MALRD1: variants seen among roughly 807,000 people sequenced by gnomAD.
The protein encoded by MALRD1 is MAM and LDL receptor class A domain containing 1, also known as MAM and LDL-receptor class A domain-containing protein 1.
Under a neutral mutation model 242.1 loss-of-function variants are expected in MALRD1, and 247 were observed. The ratio of observed to expected loss-of-function variants is 1.02; its 90% CI spans 0.92 to 1.13. The LOEUF is 1.13. Among genes scored for constraint, MALRD1 ranks in the 50% most tolerant of loss-of-function variants. MALRD1 has a pLI of 0.00. For synonymous variants in MALRD1, 995 were observed against 866.6 expected, an observed-to-expected ratio of 1.15 and a Z score of -2.60; for missense variants, 2,989 against 2,533.1, an observed-to-expected ratio of 1.18 and a Z score of -3.86.
Position 19,183,369 on chromosome 10 carries a change from C to T in MALRD1, c.1951+8041C>T, listed in dbSNP as rs118150033. Among the ~76,000 whole-genome samples, 253 of 151,584 alleles carry T rather than the reference C, an allele frequency of 1.7e-3. 8 individuals are homozygous for T. In the East Asian group the frequency reaches 0.046, roughly 28 times the overall value. On this transcript the variant is annotated intron_variant, in intron 14 of 39. Coordinates refer to ENST00000454679, the MANE Select transcript of MALRD1 (RefSeq NM_001142308.3). ...TTTAGGCTGCGATTCTAATGTTGAA[C>T]AAATGAGCATATCACTTCTCTTACA...
intron 10 of MALRD1, among the ~76,000 whole-genome samples, chr10:19,142,839 T>C (rs780728450): frequency 3.3e-5 from 5 of 152,256 alleles, no homozygotes; most frequent in Non-Finnish European, 5.9e-5. Flanking sequence ...ATAAGTTCAC[T>C]TTAAAGTTTT....
rs142842403 is a variant in MALRD1 at position 19,328,359 on chromosome 10, T to C, written c.3687+686T>C. On this transcript the variant is annotated intron_variant, in intron 23 of 39. Transcript: ENST00000454679. ...GAAGATGAGGCTTAGCTCTGAAGAT[T>C]TGTTAAAATTTGAATAAGCAGAGTG... Among the ~76,000 whole-genome samples, 471 of 152,246 alleles carry C rather than the reference T, an allele frequency of 3.1e-3. 4 individuals are homozygous for C. Among genetic ancestry groups the C allele is most frequent in the African/African-American group, 0.011 (456 of 41,562 alleles).
chr10:19,188,003 T>C (rs1162354063), intron 14 of MALRD1, among the ~76,000 whole-genome samples: 1 of 152,170 alleles, frequency 6.6e-6, no homozygotes, highest in Non-Finnish European at 1.5e-5. Flanking sequence ...TCACAATCTC[T>C]AGGGTAGAAT....
At chr10:19,492,697 A>T in intron 30 of MALRD1, among the ~76,000 whole-genome samples, 1 of 152,216 alleles carries the variant, frequency 6.6e-6, no homozygotes, top group East Asian at 1.9e-4. Flanking sequence ...ATTTAGCCTC[A>T]GATGTTGCAT....
intron 27 of MALRD1, among the ~76,000 whole-genome samples, chr10:19,388,970 T>C (rs999324164): frequency 2.7e-5 from 4 of 150,082 alleles, no homozygotes; most frequent in Non-Finnish European, 5.9e-5. Flanking sequence ...ATACATGAAA[T>C]GTTATGGATA....
chr10:19,435,148 A>C (rs1005053422), intron 28 of MALRD1, among the ~76,000 whole-genome samples: 2 of 149,654 alleles, frequency 1.3e-5, no homozygotes, highest in South Asian at 4.2e-4. Flanking sequence ...ATTTTATTTT[A>C]TAATATCCTA....
chr10:19,621,449 A>G (rs1839399227), intron 36 of MALRD1, among the ~76,000 whole-genome samples: 1 of 151,476 alleles, frequency 6.6e-6, no homozygotes. Flanking sequence ...TGAAATTGAA[A>G]AAGTAAAGAT....
At chr10:19,414,230 G>C (rs1833409980) in intron 28 of MALRD1, among the ~76,000 whole-genome samples, 3 of 152,070 alleles carry the variant, frequency 2.0e-5, no homozygotes, top group African/African-American at 4.8e-5. Context: ...GTAGCACATG[G>C]AACACACTAG....
intron 38 of MALRD1, among the ~76,000 whole-genome samples, chr10:19,707,201 CCTCCTTCTCCTCCTTCTTCTT>C (rs1420215751): frequency 6.6e-6 from 1 of 151,508 alleles, no homozygotes; most frequent in Non-Finnish European, 1.5e-5. Flanking sequence ...TCCTTCTCTT[CCTCCTTCTCCTCCTTCTTCTT>C]CTCCTTCTCC....
intron 32 of MALRD1, among the ~76,000 whole-genome samples, chr10:19,543,660 C>T (rs1437323603): frequency 1.3e-5 from 2 of 152,006 alleles, no homozygotes; most frequent in Non-Finnish European, 2.9e-5. Context: ...TAATGCCACA[C>T]CAGACACTGT....
chr10:19,684,310 C>G (rs149568690), intron 36 of MALRD1, among the ~76,000 whole-genome samples: 1 of 152,106 alleles, frequency 6.6e-6, no homozygotes, highest in Non-Finnish European at 1.5e-5. Flanking sequence ...ATTAAAAAAT[C>G]GAGAAAGCAT....
intron 21 of MALRD1, among the ~76,000 whole-genome samples, chr10:19,312,546 A>T (rs1588893440): frequency 6.6e-6 from 1 of 151,218 alleles, no homozygotes; most frequent in African/African-American, 2.4e-5. Flanking sequence ...ATGTGAATAC[A>T]CATATATAGG....
chr10:19,702,630 T>C (rs1278304563), intron 38 of MALRD1, among the ~76,000 whole-genome samples: 1 of 152,206 alleles, frequency 6.6e-6, no homozygotes, highest in African/African-American at 2.4e-5. Context: ...CTTATATCCA[T>C]TGATTACATC....
At chr10:19,248,458 G>A (rs1839160828) in intron 18 of MALRD1, among the ~76,000 whole-genome samples, 1 of 151,320 alleles carries the variant, frequency 6.6e-6, no homozygotes, top group Non-Finnish European at 1.5e-5. Flanking sequence ...CTAACCACTT[G>A]GTAGATGTTA....
Position 19,607,772 on chromosome 10 carries a change from T to G in MALRD1, c.5945-5T>G, listed in dbSNP as rs768782155. On this transcript the variant is annotated splice_polypyrimidine_tract_variant and splice_region_variant and intron_variant, in intron 34 of 39. Transcript: ENST00000454679. ...TCCCTGATCATTATTCTTTTTTTTT[T>G]GCAGCCAACAAAAGCTGTTCTAATG... 4 of 1,545,048 alleles carry G rather than the reference T, an allele frequency of 2.6e-6. No homozygotes were observed. The highest frequency in any genetic ancestry group is 1.4e-5 in the African/African-American group (1 of 72,848).
chr10:19,385,211 C>G (rs533402764), intron 26 of MALRD1, among the ~76,000 whole-genome samples: 8 of 152,002 alleles, frequency 5.3e-5, no homozygotes, highest in South Asian at 2.1e-4. Context: ...GGGATATTGG[C>G]TGTAGTTTTC....
At chr10:19,461,761 T>C (rs1328512649) in intron 29 of MALRD1, among the ~76,000 whole-genome samples, 2 of 152,108 alleles carry the variant, frequency 1.3e-5, no homozygotes, top group African/African-American at 4.8e-5. Context: ...AGAAGATCAC[T>C]TGAGCCTGGG....
chr10:19,239,199 C>G (rs1021100913), intron 18 of MALRD1, among the ~76,000 whole-genome samples: 1 of 151,952 alleles, frequency 6.6e-6, no homozygotes, highest in African/African-American at 2.4e-5. Context: ...GCTGGGGTTA[C>G]AGGCACACGC....
chr10:19,353,757 G>A (rs1161908532), intron 26 of MALRD1, among the ~76,000 whole-genome samples: 1 of 152,186 alleles, frequency 6.6e-6, no homozygotes, highest in Non-Finnish European at 1.5e-5. Flanking sequence ...GATGTTTGAT[G>A]GCAGATATAG....
Sources: allele counts gnomAD v4.1 joint callset (sites outside exome capture counted in the v4.1 genomes callset), GRCh38; gene constraint gnomAD v4.1.1; transcripts MANE v1.5; gene names NCBI Gene and HGNC (gene_info 2026-07-23, HGNC 2026-07-21).